Variants in NOP58 observed in about 807,000 individuals in gnomAD.
The protein encoded by NOP58 is NOP58 ribonucleoprotein, also known as nucleolar protein 58.
NOP58 carries 44 observed loss-of-function variants against 71.2 expected under a neutral mutation model. That is an observed-to-expected ratio of 0.62 (90% CI 0.49 to 0.79). NOP58 has a LOEUF of 0.79. Among genes scored for constraint, NOP58 ranks in the 30% least tolerant of loss-of-function variants. NOP58 has a pLI of 0.00. For synonymous variants in NOP58, 228 were observed against 200.3 expected, an observed-to-expected ratio of 1.14 and a Z score of -1.17; for missense variants, 538 against 620.2, an observed-to-expected ratio of 0.87 and a Z score of 1.41.
chr2:202,280,773 T>C, intron 3 of NOP58, among the ~76,000 whole-genome samples: 1 of 150,428 alleles, frequency 6.6e-6, no homozygotes, highest in African/African-American at 2.4e-5. Flanking sequence ...TGCAAGTCTT[T>C]TTTTTTTTTT....
At chr2:202,279,581 T>C (rs1042773396) in intron 3 of NOP58, among the ~76,000 whole-genome samples, 2 of 152,210 alleles carry the variant, frequency 1.3e-5, no homozygotes, top group African/African-American at 4.8e-5. Flanking sequence ...GCGGATCACC[T>C]GAGGTCAGTT....
intron 1 of NOP58, among the ~76,000 whole-genome samples, 183 bp from the exon 2 acceptor site, chr2:202,274,930 T>C (rs1688566669): frequency 6.6e-6 from 1 of 152,190 alleles, no homozygotes; most frequent in Admixed American, 6.5e-5. Context: ...AGCTGTTAAA[T>C]GGGCAATTCG....
In NOP58 at chr2:202,297,524, C is replaced by T; in HGVS notation, c.1206+11C>T. The T allele has an allele frequency of 1.2e-6, 2 of 1,607,048 alleles. No individual in the cohort carries two copies. The highest frequency in any genetic ancestry group is 1.7e-6 in the Non-Finnish European group (2 of 1,177,426). On this transcript the variant is annotated intron_variant, in intron 11 of 14. Transcript: ENST00000264279. ...TTGGAAGACAGAGGGGTAAGAACTACATCATGCCTATTCCAGAAGTATTAC... is the reference window on the plus strand; with the variant it reads ...TTGGAAGACAGAGGGGTAAGAACTATATCATGCCTATTCCAGAAGTATTAC...
chr2:202,296,322 G>A (rs1688992530), intron 10 of NOP58, among the ~76,000 whole-genome samples: 1 of 151,970 alleles, frequency 6.6e-6, no homozygotes, highest in Non-Finnish European at 1.5e-5. Context: ...CCCTGCCTCA[G>A]CCTTCTGAGT....
intron 9 of NOP58, among the ~76,000 whole-genome samples, chr2:202,294,666 T>C (rs987145183): frequency 6.6e-5 from 10 of 152,194 alleles, no homozygotes; most frequent in Middle Eastern, 3.4e-3. Context: ...ATAACAGTTA[T>C]AACACTATGC....
At chr2:202,299,028 C>T (rs188190760) in intron 12 of NOP58, among the ~76,000 whole-genome samples, 5 of 132,026 alleles carry the variant, frequency 3.8e-5, no homozygotes, top group Admixed American at 9.2e-5. Context: ...GGCACGATTG[C>T]GGCTCACTGC....
At chr2:202,271,811 G>A (rs1688515110) in intron 1 of NOP58, among the ~76,000 whole-genome samples, 1 of 151,960 alleles carries the variant, frequency 6.6e-6, no homozygotes, top group African/African-American at 2.4e-5. Context: ...AGATGTCGCA[G>A]TGTGCACCTA....
chr2:202,290,144 TG>T (rs1409607479), intron 6 of NOP58, among the ~76,000 whole-genome samples, 178 bp from the exon 7 acceptor site: 3 of 152,020 alleles, frequency 2.0e-5, no homozygotes, highest in Non-Finnish European at 4.4e-5. Context: ...TTAATAGAGA[TG>T]GGGTTTCACC....
chr2:202,269,845 C>T (rs1172369475), intron 1 of NOP58, among the ~76,000 whole-genome samples: 1 of 152,228 alleles, frequency 6.6e-6, no homozygotes, highest in East Asian at 1.9e-4. Flanking sequence ...CCTTCAGCTG[C>T]TCTTCCATGT....
At chr2:202,266,867 G>A (rs1574373191) in intron 1 of NOP58, among the ~76,000 whole-genome samples, 1 of 152,174 alleles carries the variant, frequency 6.6e-6, no homozygotes, top group African/African-American at 2.4e-5. Flanking sequence ...AAGTTTCTTG[G>A]GGAAGGACTA....
intron 3 of NOP58, among the ~76,000 whole-genome samples, chr2:202,281,483 C>T (rs1307104352): frequency 6.6e-6 from 1 of 152,096 alleles, no homozygotes; most frequent in African/African-American, 2.4e-5. Context: ...TGTCACCAGG[C>T]TGCTGGAGTA....
intron 13 of NOP58, among the ~76,000 whole-genome samples, chr2:202,302,059 CTCTTT>C (rs1312033148): frequency 2.1e-5 from 3 of 145,278 alleles, no homozygotes; most frequent in Non-Finnish European, 3.0e-5. Flanking sequence ...GAATTTCTCT[CTCTTT>C]TCTTTTTCTT....
chr2:202,275,317 T>C, intron 2 of NOP58, 128 bp downstream of exon 2: 1 of 597,014 alleles, frequency 1.7e-6, no homozygotes, highest in Non-Finnish European at 3.0e-6. Flanking sequence ...TCAGGAATAA[T>C]TTTGGTATGA....
At chr2:202,272,022 A>G (rs1169896253) in intron 1 of NOP58, among the ~76,000 whole-genome samples, 4 of 152,286 alleles carry the variant, frequency 2.6e-5, no homozygotes, top group African/African-American at 7.2e-5. Flanking sequence ...AATATAGCAC[A>G]TCTACACATT....
At chr2:202,273,059 A>T (rs1404380994) in intron 1 of NOP58, among the ~76,000 whole-genome samples, 1 of 152,216 alleles carries the variant, frequency 6.6e-6, no homozygotes, top group Admixed American at 6.5e-5. Context: ...CAGGAGGTGG[A>T]GCTTGCAGTG....
chr2:202,288,896 A>G (rs753777570), intron 6 of NOP58, among the ~76,000 whole-genome samples: 40 of 152,074 alleles, frequency 2.6e-4, no homozygotes, highest in Non-Finnish European at 5.0e-4. Flanking sequence ...AGGCGGGTGA[A>G]TTGCCTGAGC....
chr2:202,296,136 T>G (rs1003333135), intron 10 of NOP58, among the ~76,000 whole-genome samples: 1 of 152,094 alleles, frequency 6.6e-6, no homozygotes, highest in Non-Finnish European at 1.5e-5. Context: ...AAAAAAAATC[T>G]AACATTTACG....
chr2:202,300,948 C>T (rs1174668287), intron 13 of NOP58, among the ~76,000 whole-genome samples: 2 of 152,190 alleles, frequency 1.3e-5, no homozygotes, highest in Non-Finnish European at 2.9e-5. Flanking sequence ...ATTGCTTTAA[C>T]TTGGTTTCTA....
At chr2:202,281,494 C>T (rs1039582993) in intron 3 of NOP58, among the ~76,000 whole-genome samples, 1 of 152,200 alleles carries the variant, frequency 6.6e-6, no homozygotes, top group East Asian at 1.9e-4. Flanking sequence ...TGCTGGAGTA[C>T]AGCGGCATGA....
Sources: gnomAD v4.1 joint callset for allele counts (sites outside exome capture counted in the v4.1 genomes callset) on GRCh38, gnomAD v4.1.1 for gene constraint, MANE v1.5 for transcripts, NCBI Gene and HGNC (gene_info 2026-07-23, HGNC 2026-07-21) for gene names.